The following ZNF536 variants were observed in gnomAD, a reference collection of about 807,000 sequenced individuals.
ZNF536 encodes the protein zinc finger protein 536.
ZNF536 carries 13 observed loss-of-function variants against 84.5 expected under a neutral mutation model. The observed-to-expected ratio is 0.15, with a 90% CI of 0.10 to 0.24. ZNF536 has a LOEUF of 0.24. ZNF536 is among the 10% of genes least tolerant of loss of function. The pLI, the probability that ZNF536 is intolerant of heterozygous loss-of-function variation, is 1.00. For missense variants in ZNF536, 1,536 were observed against 1,747.5 expected (o/e 0.88, Z 2.16); for synonymous variants, 811 against 742.5 (o/e 1.09, Z -1.50).
At chr19:30,663,676 A>T (rs569667175) in intron 1 of ZNF536, among the ~76,000 whole-genome samples, 1 of 152,346 alleles carries the variant, frequency 6.6e-6, no homozygotes, top group South Asian at 2.1e-4. Context: ...TCTTGGAATT[A>T]ACATGACAGT....
intron 2 of ZNF536, among the ~76,000 whole-genome samples, chr19:30,523,058 A>G (rs533295651): frequency 1.6e-4 from 24 of 152,164 alleles, no homozygotes; most frequent in Admixed American, 1.2e-3. Context: ...AGCTGCCCCA[A>G]CTGGACTTTT....
intron 3 of ZNF536, among the ~76,000 whole-genome samples, chr19:30,364,775 A>G (rs2048375271): frequency 6.6e-6 from 1 of 152,220 alleles, no homozygotes; most frequent in Non-Finnish European, 1.5e-5. Context: ...TCTTTAGAAA[A>G]GAAAAACACC....
chr19:30,593,258 C>G (rs2060240), intron 1 of ZNF536, among the ~76,000 whole-genome samples: 93,832 of 151,880 alleles, frequency 0.62, 29,391 homozygotes, highest in East Asian at 0.85. Flanking sequence ...AGCTTCCTTG[C>G]GCTGTGACCA....
At chr19:30,446,141 C>T (rs1021293574) in intron 2 of ZNF536, among the ~76,000 whole-genome samples, 9 of 145,772 alleles carry the variant, frequency 6.2e-5, no homozygotes, top group East Asian at 2.1e-4. Flanking sequence ...CCTAGCTATT[C>T]GGGAGGCTAA....
chr19:30,225,663 T>C (rs1480037564), upstream of ZNF536, among the ~76,000 whole-genome samples: 2 of 146,074 alleles, frequency 1.4e-5, no homozygotes, highest in Non-Finnish European at 3.0e-5. Context: ...CGCGTTTCAA[T>C]GTTTAAGGTA....
chr19:30,237,858 T>C (rs891653757), intron 1 of ZNF536, among the ~76,000 whole-genome samples: 39 of 151,936 alleles, frequency 2.6e-4, no homozygotes, highest in African/African-American at 8.7e-4. Flanking sequence ...AAACATCAAG[T>C]TTGTAAATGA....
chr19:30,421,051 T>C (rs1246608736), intron 1 of ZNF536, among the ~76,000 whole-genome samples: 1 of 152,134 alleles, frequency 6.6e-6, no homozygotes, highest in Non-Finnish European at 1.5e-5. Context: ...AGGGATCTGT[T>C]ACCAGCTGTC....
At chr19:30,521,238 C>T (rs1458662984) in intron 2 of ZNF536, among the ~76,000 whole-genome samples, 4 of 152,192 alleles carry the variant, frequency 2.6e-5, no homozygotes, top group African/African-American at 7.2e-5. Flanking sequence ...AAAAGTGGCC[C>T]GTGTGTCTCC....
intron 2 of ZNF536, among the ~76,000 whole-genome samples, chr19:30,507,115 AC>A (rs2055206676): frequency 6.6e-6 from 1 of 152,242 alleles, no homozygotes; most frequent in Non-Finnish European, 1.5e-5. Flanking sequence ...TAATCCCAGC[AC>A]TTCAGGAGGT....
At chr19:30,621,317 T>C (rs1178084205) in intron 1 of ZNF536, among the ~76,000 whole-genome samples, 2 of 152,126 alleles carry the variant, frequency 1.3e-5, no homozygotes. Flanking sequence ...TTCGAAGGTC[T>C]TTCTGGAAGT....
intron 1 of ZNF536, among the ~76,000 whole-genome samples, chr19:30,376,971 G>T (rs973348628): frequency 6.6e-5 from 10 of 152,206 alleles, no homozygotes; most frequent in Non-Finnish European, 1.2e-4. Context: ...CTGCTACTTG[G>T]CTGCCCTGTG....
At chr19:30,532,164 C>T (rs1365824604) in intron 2 of ZNF536, among the ~76,000 whole-genome samples, 1 of 150,636 alleles carries the variant, frequency 6.6e-6, no homozygotes, top group South Asian at 2.1e-4. Flanking sequence ...GAGTCTCACT[C>T]TGTTGCCCAG....
intron 2 of ZNF536, among the ~76,000 whole-genome samples, chr19:30,504,985 C>T (rs1404094231): frequency 1.3e-5 from 2 of 152,024 alleles, no homozygotes; most frequent in Admixed American, 6.5e-5. Context: ...TTTTGGTTTA[C>T]TGATAGATTG....
At chr19:30,399,902 G>C (rs1204645749) in intron 1 of ZNF536, among the ~76,000 whole-genome samples, 1 of 152,028 alleles carries the variant, frequency 6.6e-6, no homozygotes, top group East Asian at 1.9e-4. Flanking sequence ...TGGTTAGGCT[G>C]GTCTTGAACT....
intron 2 of ZNF536, among the ~76,000 whole-genome samples, chr19:30,526,617 G>T (rs1599694478): frequency 7.0e-6 from 1 of 143,286 alleles, no homozygotes; most frequent in Non-Finnish European, 1.6e-5. Flanking sequence ...CCAGCTACTT[G>T]GGAGGCTGAG....
chr19:30,347,346 G>A (rs370387350), intron 2 of ZNF536, among the ~76,000 whole-genome samples: 17 of 152,118 alleles, frequency 1.1e-4, no homozygotes, highest in African/African-American at 2.9e-4. Flanking sequence ...TGGTCTAGCC[G>A]CCTGCTTTTT....
chr19:30,421,823 C>T (rs2050971732), intron 1 of ZNF536, among the ~76,000 whole-genome samples: 1 of 152,222 alleles, frequency 6.6e-6, no homozygotes, highest in Non-Finnish European at 1.5e-5. Context: ...TCCCTCTGTA[C>T]ACGAGAGCAG....
chr19:30,629,630 G>A (rs924016532), intron 1 of ZNF536, among the ~76,000 whole-genome samples: 13 of 152,216 alleles, frequency 8.5e-5, no homozygotes, highest in Admixed American at 2.6e-4. Context: ...TGCAGAACCC[G>A]CCTTGTGCTG....
At chr19:30,405,563 A>G (rs1242669569) in intron 1 of ZNF536, among the ~76,000 whole-genome samples, 4 of 152,028 alleles carry the variant, frequency 2.6e-5, no homozygotes, top group Non-Finnish European at 5.9e-5. Flanking sequence ...TTCCAGGGAA[A>G]GCTTCTCCAT....
Sources: gnomAD v4.1 joint callset for allele counts (sites outside exome capture counted in the v4.1 genomes callset) on GRCh38, gnomAD v4.1.1 for gene constraint, MANE v1.5 for transcripts, NCBI Gene and HGNC (gene_info 2026-07-23, HGNC 2026-07-21) for gene names.